Variants in TSNARE1 observed in about 807,000 individuals in gnomAD.
TSNARE1 encodes t-SNARE domain-containing protein 1.
TSNARE1 carries 49 observed loss-of-function variants against 62.0 expected under a neutral mutation model. That is an observed-to-expected ratio of 0.79 (90% CI 0.63 to 1.00). The LOEUF (loss-of-function observed/expected upper bound fraction) is 1.00. TSNARE1 is among the 50% of genes least tolerant of loss of function. The probability of loss-of-function intolerance (pLI) is 0.00; values close to 1 mark genes in which losing one functional copy is unlikely to be tolerated. For synonymous variants in TSNARE1, 328 were observed against 294.4 expected (o/e 1.11, Z -1.17); for missense variants, 755 against 700.1 (o/e 1.08, Z -0.88).
At chr8:142,305,304 G>A (rs1481137546) in intron 9 of TSNARE1, among the ~76,000 whole-genome samples, 1 of 146,214 alleles carries the variant, frequency 6.8e-6, no homozygotes, top group Admixed American at 6.7e-5. Flanking sequence ...GCCACCTCCT[G>A]CATGTGGAGA....
At chr8:142,346,347 G>A (rs1833366182) in intron 2 of TSNARE1, among the ~76,000 whole-genome samples, 1 of 152,232 alleles carries the variant, frequency 6.6e-6, no homozygotes, top group Non-Finnish European at 1.5e-5. Context: ...GAAAAGCAAA[G>A]CCACACTGCT....
intron 11 of TSNARE1, chr8:142,275,841 C>A (rs544316056): frequency 1.0e-6 from 1 of 982,962 alleles, no homozygotes; most frequent in South Asian, 4.7e-5. Flanking sequence ...GGACTGCTGC[C>A]AGGCACAGCC....
chr8:142,262,732 G>A (rs978542083), intron 12 of TSNARE1, among the ~76,000 whole-genome samples: 6 of 151,572 alleles, frequency 4.0e-5, no homozygotes, highest in African/African-American at 1.5e-4. Context: ...CTTCCCCTTC[G>A]CCTTCCACCA....
chr8:142,354,412 C>T (rs1018160215), intron 2 of TSNARE1, among the ~76,000 whole-genome samples: 16 of 152,156 alleles, frequency 1.1e-4, no homozygotes, highest in African/African-American at 3.6e-4. Flanking sequence ...CCAGCATGAA[C>T]TGGGACACCC....
intron 1 of TSNARE1, among the ~76,000 whole-genome samples, chr8:142,360,629 C>G (rs1835084800): frequency 4.6e-5 from 7 of 152,166 alleles, no homozygotes; most frequent in Admixed American, 4.6e-4. Context: ...GGGCCCCCGC[C>G]CCCCACCAGC....
intron 13 of TSNARE1, among the ~76,000 whole-genome samples, chr8:142,219,629 C>T (rs550806866): frequency 6.6e-6 from 1 of 152,294 alleles, no homozygotes; most frequent in South Asian, 2.1e-4. Flanking sequence ...ACAGTTAAGC[C>T]CCAGGGCCCC....
intron 4 of TSNARE1, among the ~76,000 whole-genome samples, chr8:142,334,625 T>A (rs1331151404): frequency 6.6e-6 from 1 of 152,166 alleles, no homozygotes; most frequent in South Asian, 2.1e-4. Flanking sequence ...AATAAATACA[T>A]ATTTTTTAAA....
chr8:142,350,070 C>G lies in TSNARE1; in HGVS notation c.89-4178G>C, dbSNP rs866191365. Among the ~76,000 whole-genome samples the G allele has an allele frequency of 1.1e-3, 51 of 44,528 alleles. No individual in the cohort carries two copies. The African/African-American group carries it at 0.016, about 14-fold the overall frequency. 29.2% of individuals were successfully genotyped at this position (44,528 alleles called of 152,430 possible). ...GGACCAGGGCAGGCAGGGCTGGGACCAGGGCAGGCAGGGCAGGCAGGGCAG... is the reference window on the plus strand; with the variant it reads ...GGACCAGGGCAGGCAGGGCTGGGACGAGGGCAGGCAGGGCAGGCAGGGCAG... On this transcript the variant is annotated intron_variant, in intron 2 of 13. Transcript: ENST00000524325.
At chr8:142,372,040 T>G (rs1835952236) in intron 1 of TSNARE1, among the ~76,000 whole-genome samples, 1 of 152,066 alleles carries the variant, frequency 6.6e-6, no homozygotes, top group Admixed American at 6.5e-5. Flanking sequence ...AAGAACAGGG[T>G]TGCCATCAAC....
At chr8:142,274,712 G>C (rs2130601903) in intron 12 of TSNARE1, 69 bp downstream of exon 12, 7 of 1,422,506 alleles carry the variant, frequency 4.9e-6, no homozygotes, top group Non-Finnish European at 6.5e-6. Context: ...CAGACAGACG[G>C]AGGGAGGGTT....
chr8:142,344,032 C>G lies in TSNARE1; in HGVS notation c.679G>C (p.Val227Leu), dbSNP rs769333491. The change falls in exon 4 of 14, where the codon GTG becomes CTG. Residue 227 changes from valine (V) to leucine (L), a missense_variant. Val to Leu is a conservative substitution (Grantham distance 32). Transcript: ENST00000524325. ...QALALTPVEQ[V>L]VAKTFSCQAL... The stretch of plus-strand genomic sequence containing the variant: ...TGGCAAGAGAAGGTCTTGGCCACCA[C>G]CTGCTCCACGGGCGTGAGAGCCAGG... The G allele has an allele frequency of 6.3e-7, 1 of 1,576,578 alleles. No homozygotes were observed. The highest frequency in any genetic ancestry group is 1.8e-5 in the Admixed American group (1 of 56,978).
chr8:142,367,548 G>A (rs1365312024), intron 1 of TSNARE1, among the ~76,000 whole-genome samples: 1 of 152,194 alleles, frequency 6.6e-6, no homozygotes, highest in Non-Finnish European at 1.5e-5. Flanking sequence ...ACTAGGGAGT[G>A]ACTGCTAATA....
At chr8:142,392,981 A>G (rs2131386727) in intron 1 of TSNARE1, among the ~76,000 whole-genome samples, 1 of 152,094 alleles carries the variant, frequency 6.6e-6, no homozygotes, top group Middle Eastern at 3.4e-3. Context: ...GAAACTCACA[A>G]GAGTGGCTGC....
At chr8:142,215,065 C>T (rs1412886655) in intron 13 of TSNARE1, among the ~76,000 whole-genome samples, 2 of 152,224 alleles carry the variant, frequency 1.3e-5, no homozygotes. Context: ...GTTGCACCTG[C>T]AGGCAGAGAC....
chr8:142,326,873 G>C (rs565858191), intron 6 of TSNARE1, among the ~76,000 whole-genome samples: 1 of 152,230 alleles, frequency 6.6e-6, no homozygotes, highest in Non-Finnish European at 1.5e-5. Flanking sequence ...AAAGATGCTT[G>C]AAGCCTTCAA....
At chr8:142,317,251 CGTG>C (rs1828695706) in intron 7 of TSNARE1, among the ~76,000 whole-genome samples, 2 of 148,780 alleles carry the variant, frequency 1.3e-5, no homozygotes, top group African/African-American at 2.5e-5. Context: ...ACACTGTACG[CGTG>C]AAGCGGGTAT....
At chr8:142,350,739 G>T (rs73714131) in intron 2 of TSNARE1, among the ~76,000 whole-genome samples, 2,906 of 152,246 alleles carry the variant, frequency 0.019, 96 homozygotes, top group African/African-American at 0.067. Flanking sequence ...AATAAAAAGG[G>T]TTTAGCAACA....
chr8:142,254,905 G>A (rs1818347657), intron 12 of TSNARE1, among the ~76,000 whole-genome samples: 1 of 152,152 alleles, frequency 6.6e-6, no homozygotes, highest in Admixed American at 6.5e-5. Flanking sequence ...GCCCTCCCCT[G>A]CCTGCCACTC....
At chr8:142,273,186 C>T (rs1355529302) in intron 12 of TSNARE1, 3 of 984,312 alleles carry the variant, frequency 3.0e-6, no homozygotes, top group African/African-American at 3.5e-5. Flanking sequence ...CTTTCCTCCT[C>T]CTCCTTCACC....
Sources: gnomAD v4.1 joint callset for allele counts (sites outside exome capture counted in the v4.1 genomes callset) on GRCh38, gnomAD v4.1.1 for gene constraint, MANE v1.5 for transcripts, NCBI Gene and HGNC (gene_info 2026-07-23, HGNC 2026-07-21) for gene names.